EPHA3: variants seen among roughly 807,000 people sequenced by gnomAD.
EPHA3 encodes the protein EPH receptor A3, also known as ephrin type-A receptor 3.
Under a neutral mutation model 107.1 loss-of-function variants are expected in EPHA3, and 42 were observed. The ratio of observed to expected loss-of-function variants is 0.39; its 90% CI spans 0.31 to 0.51. The LOEUF is 0.51. EPHA3 is among the 20% of genes least tolerant of loss of function. The probability of loss-of-function intolerance (pLI) is 0.78; values close to 1 mark genes in which losing one functional copy is unlikely to be tolerated. For missense variants in EPHA3, 1,183 were observed against 1,211.2 expected (o/e 0.98, Z 0.35); for synonymous variants, 461 against 424.8 (o/e 1.09, Z -1.05).
chr3:89,107,859 C>A (rs377389977), intron 1 of EPHA3, 23 bp downstream of exon 1: 58 of 1,608,744 alleles, frequency 3.6e-5, no homozygotes, highest in Non-Finnish European at 4.8e-5. Flanking sequence ...CCGCGACGCA[C>A]GGAGCTCTGC....
At chr3:89,268,196 A>C (rs1705583311) in intron 3 of EPHA3, among the ~76,000 whole-genome samples, 1 of 152,154 alleles carries the variant, frequency 6.6e-6, no homozygotes, top group African/African-American at 2.4e-5. Context: ...GCCCCAGCCC[A>C]CACAAGTCAG....
chr3:89,460,214 G>A lies in EPHA3; in HGVS notation c.2690+9844G>A, dbSNP rs181307892. ...AAATAGAGAAATAATTTCTTCTTAA[G>A]TTCACAGAATTTCCACTAGCCAGGT... On this transcript the variant is annotated intron_variant, in intron 15 of 16. Transcript: ENST00000336596. Among the ~76,000 whole-genome samples the A allele has an allele frequency of 1.1e-4, 17 of 152,174 alleles. No homozygotes were observed. In the East Asian group the frequency reaches 2.3e-3, roughly 21 times the overall value.
At chr3:89,420,690 A>G (rs555520998) in intron 11 of EPHA3, among the ~76,000 whole-genome samples, 2 of 151,542 alleles carry the variant, frequency 1.3e-5, no homozygotes, top group South Asian at 4.2e-4. Context: ...TTATGTCTGT[A>G]CAGTTACAGT....
chr3:89,263,871 C>A (rs1475739625), intron 3 of EPHA3, among the ~76,000 whole-genome samples: 1 of 152,074 alleles, frequency 6.6e-6, no homozygotes, highest in Non-Finnish European at 1.5e-5. Flanking sequence ...CCTAGAATTG[C>A]TCTGCCCTCT....
intron 2 of EPHA3, among the ~76,000 whole-genome samples, chr3:89,150,961 A>C (rs560792146): frequency 2.6e-5 from 4 of 152,184 alleles, no homozygotes; most frequent in Admixed American, 1.3e-4. Flanking sequence ...TGGGTGACAG[A>C]GTGAGAACCT....
intron 2 of EPHA3, among the ~76,000 whole-genome samples, chr3:89,159,013 G>A (rs1036343098): frequency 9.2e-5 from 14 of 151,898 alleles, no homozygotes; most frequent in Non-Finnish European, 1.3e-4. Flanking sequence ...ATTATAAATA[G>A]CCTCACCCAC....
At chr3:89,316,510 ATAT>A (rs1559644344) in intron 3 of EPHA3, among the ~76,000 whole-genome samples, 1,621 of 90,010 alleles carry the variant, frequency 0.018, 31 homozygotes, top group African/African-American at 0.068. Context: ...TGTGTAATAT[ATAT>A]ATATATATAT....
rs188399674 is a variant in EPHA3, at chr3:89,107,709, A to C, written c.-40A>C. On this transcript the variant is annotated 5_prime_UTR_variant, in exon 1 of 17. An upstream start codon of the reference 5' UTR is lost. Transcript: ENST00000336596. ...CCCCCTCACATCAGTGGCATGCTTC[A>C]TGGAGATATGCTCCTCTCACTGCCC... 1.3e-6 allele frequency: 2 copies of C among 1,572,710 alleles called. No homozygotes were observed. Among genetic ancestry groups the C allele is most frequent in the Non-Finnish European group, 1.8e-6 (2 of 1,142,770 alleles).
chr3:89,219,477 A>G (rs1704298077), intron 3 of EPHA3, among the ~76,000 whole-genome samples: 1 of 151,422 alleles, frequency 6.6e-6, no homozygotes. Flanking sequence ...ACAACAATTT[A>G]TGAGTGTCTG....
intron 9 of EPHA3, among the ~76,000 whole-genome samples, chr3:89,410,092 G>T (rs976833424): frequency 2.0e-5 from 3 of 151,948 alleles, no homozygotes; most frequent in African/African-American, 7.2e-5. Flanking sequence ...AATCTCTGGG[G>T]TCAGCAGTTA....
Position 89,264,493 on chromosome 3 carries a change from T to C in EPHA3, c.814+53973T>C, listed in dbSNP as rs1197752257. ...CTTGCTCAGTGAAATCGTACTCATTTTTCAGTCTTAGTTTGACTGTTAGTT... is the reference window on the plus strand; with the variant it reads ...CTTGCTCAGTGAAATCGTACTCATTCTTCAGTCTTAGTTTGACTGTTAGTT... On this transcript the variant is annotated intron_variant, in intron 3 of 16. Transcript: ENST00000336596. Among the ~76,000 whole-genome samples, 9 of 152,312 alleles carry C rather than the reference T, an allele frequency of 5.9e-5. No homozygotes were observed. In the East Asian group the frequency reaches 1.7e-3, roughly 29 times the overall value.
At chr3:89,421,708 A>G (rs1447026651) in intron 11 of EPHA3, among the ~76,000 whole-genome samples, 1 of 151,246 alleles carries the variant, frequency 6.6e-6, no homozygotes, top group African/African-American at 2.4e-5. Context: ...CCTGTTTCCT[A>G]TAAATGCATT....
intron 5 of EPHA3, among the ~76,000 whole-genome samples, chr3:89,390,037 A>C (rs1708692978): frequency 6.6e-6 from 1 of 151,954 alleles, no homozygotes; most frequent in Admixed American, 6.6e-5. Context: ...TGTCGCCCTG[A>C]CTGAAGTGTG....
chr3:89,374,117 C>T (rs2107475044), intron 5 of EPHA3, among the ~76,000 whole-genome samples: 1 of 151,870 alleles, frequency 6.6e-6, no homozygotes, highest in East Asian at 1.9e-4. Flanking sequence ...ATAAAATGTT[C>T]AGTAAGATAT....
intron 9 of EPHA3, among the ~76,000 whole-genome samples, chr3:89,409,251 CAAAAGTCTA>C (rs1456571858): frequency 5.3e-5 from 8 of 152,034 alleles, no homozygotes; most frequent in Non-Finnish European, 7.4e-5. Flanking sequence ...GTGACCAACT[CAAAAGTCTA>C]AAAAGAATGC....
chr3:89,170,609 T>C (rs1243009090), intron 2 of EPHA3, among the ~76,000 whole-genome samples: 2 of 152,196 alleles, frequency 1.3e-5, no homozygotes, highest in African/African-American at 4.8e-5. Flanking sequence ...CGACTACTCT[T>C]GCTATTGAAG....
intron 2 of EPHA3, among the ~76,000 whole-genome samples, chr3:89,162,642 A>G (rs1438938583): frequency 1.3e-5 from 2 of 152,196 alleles, no homozygotes; most frequent in Non-Finnish European, 2.9e-5. Context: ...ACCTGTGGAA[A>G]GGAAAGAAAG....
At chr3:89,429,247 C>A (rs1576373275) in intron 12 of EPHA3, 80 bp downstream of exon 12, 3 of 1,061,634 alleles carry the variant, frequency 2.8e-6, no homozygotes, top group Admixed American at 2.0e-5. Flanking sequence ...TTGTGCCAAG[C>A]AATTCAGTAA....
intron 5 of EPHA3, among the ~76,000 whole-genome samples, chr3:89,364,435 G>T (rs1439276791): frequency 6.6e-6 from 1 of 150,974 alleles, no homozygotes; most frequent in Non-Finnish European, 1.5e-5. Context: ...AGATGAATCT[G>T]GTCAACAAGC....
Sources: allele counts gnomAD v4.1 joint callset (sites outside exome capture counted in the v4.1 genomes callset), GRCh38; gene constraint gnomAD v4.1.1; transcripts MANE v1.5; gene names NCBI Gene and HGNC (gene_info 2026-07-23, HGNC 2026-07-21).